CFHR5: variants seen among roughly 807,000 people sequenced by gnomAD.
The protein encoded by CFHR5 is complement factor H-related protein 5.
Under a neutral mutation model 62.9 loss-of-function variants are expected in CFHR5, and 73 were observed. The observed-to-expected ratio is 1.16, with a 90% CI of 0.96 to 1.41. The LOEUF (loss-of-function observed/expected upper bound fraction) is 1.41. Ranked by LOEUF, CFHR5 falls within the 40% of genes most tolerant of loss-of-function variation. CFHR5 has a pLI of 0.00. For synonymous variants in CFHR5, 249 were observed against 227.2 expected (o/e 1.10, Z -0.86); for missense variants, 779 against 679.9 (o/e 1.15, Z -1.62).
At chr1:196,982,559 G>A (rs1653569235) in intron 1 of CFHR5, among the ~76,000 whole-genome samples, 1 of 152,044 alleles carries the variant, frequency 6.6e-6, no homozygotes, top group Non-Finnish European at 1.5e-5. Context: ...TGTAATCTCA[G>A]GTACTCAGGA....
rs1293376544 is a variant in CFHR5, at chr1:196,984,150, C to T, written c.430+13C>T. On this transcript the variant is annotated intron_variant, in intron 3 of 9. Coordinates refer to ENST00000256785, the MANE Select transcript of CFHR5 (RefSeq NM_030787.4). ...TGCAGCTTCACTAGTAAGCAAAATACCACTCTCTCAGTTTTGCTAATTATT... is the reference window on the plus strand; with the variant it reads ...TGCAGCTTCACTAGTAAGCAAAATATCACTCTCTCAGTTTTGCTAATTATT... 1 of 1,605,524 alleles carries T rather than the reference C, an allele frequency of 6.2e-7. No homozygotes were observed. Among genetic ancestry groups the T allele is most frequent in the Non-Finnish European group, 8.5e-7 (1 of 1,172,532 alleles).
rs573395109 is a variant in CFHR5 at position 197,002,754 on chromosome 1, T to TA, written c.1330+92dup. ...AAAGAAAGAAACAAGAACTTATGAC[T>TA]AATCTGTTGCACTGTACCCCAAAGC... On this transcript the variant is annotated intron_variant, in intron 8 of 9. Transcript: ENST00000256785. 585 of 1,080,406 alleles carry TA rather than the reference T, an allele frequency of 5.4e-4. 6 individuals carry two copies. The African/African-American group carries it at 8.4e-3, about 16-fold the overall frequency. The allele number at this position is 1,080,406 out of a possible 1,614,324, so 66.9% of individuals were successfully genotyped here.
chr1:196,975,353 G>C (rs1394158675), upstream of CFHR5, among the ~76,000 whole-genome samples: 1 of 152,178 alleles, frequency 6.6e-6, no homozygotes, highest in Non-Finnish European at 1.5e-5. Flanking sequence ...AACAATTTTT[G>C]AGCTTTTGTT....
In CFHR5 at chr1:197,004,763, G is replaced by A. The variant is rs571204851; in HGVS notation, c.1433G>A (p.Cys478Tyr). Residue 478 changes from cysteine (C) to tyrosine (Y), a missense_variant, in exon 9 of 10, where the codon TGC becomes TAC. By Grantham distance (194) the Cys-to-Tyr change is radical (BLOSUM62 -2). Coordinates refer to ENST00000256785, the MANE Select transcript of CFHR5 (RefSeq NM_030787.4). ...CCAGGGTCAACAGTGACGTACCGTT[G>A]CCAGTCCTTCTATAAACTCCAGGGC... ...YPPGSTVTYR[C>Y]QSFYKLQGSV... is the part of the protein sequence containing the mutation. 6 of 1,613,502 alleles carry A rather than the reference G, an allele frequency of 3.7e-6. No homozygotes were observed. In the African/African-American group the frequency reaches 5.3e-5, roughly 14 times the overall value.
chr1:196,975,227 G>A (rs10801582), upstream of CFHR5, among the ~76,000 whole-genome samples: 34,619 of 152,092 alleles, frequency 0.23, 5,591 homozygotes, highest in East Asian at 0.71. Flanking sequence ...AGGGGTTTAA[G>A]CGTAGTGTTG....
upstream of CFHR5, among the ~76,000 whole-genome samples, chr1:196,976,822 T>TGAGACA: frequency 7.5e-6 from 1 of 132,568 alleles, no homozygotes; most frequent in Non-Finnish European, 1.6e-5. Context: ...TTTTTTTTTT[T>TGAGACA]GAGACAGAGT....
intron 3 of CFHR5, among the ~76,000 whole-genome samples, chr1:196,987,743 C>G (rs1378573307): frequency 2.0e-5 from 3 of 152,104 alleles, no homozygotes; most frequent in African/African-American, 7.2e-5. Context: ...GGTACCAGTA[C>G]CATGCTGTTT....
Position 196,983,041 on chromosome 1 carries a change from G to T in CFHR5, c.215G>T (p.Cys72Phe), listed in dbSNP as rs368326752. Residue 72 changes from cysteine (C) to phenylalanine (F), a missense_variant, in exon 2 of 10, where the codon TGC (cysteine) becomes TTC (phenylalanine). Transcript: ENST00000256785. ...AAATCCTTTTGGACTCGCATAACAT[G>T]CACAGAAGAAGGATGGTCACCAACA... Reference protein sequence around the residue: ...PSKSFWTRITCTEEGWSPTPK... With the variant: ...PSKSFWTRITFTEEGWSPTPK... 6.2e-7 allele frequency: 1 copy of T among 1,614,026 alleles called. No individual in the cohort carries two copies. The highest frequency in any genetic ancestry group is 8.5e-7 in the Non-Finnish European group (1 of 1,180,018).
intron 9 of CFHR5, among the ~76,000 whole-genome samples, chr1:197,007,738 A>C (rs1190221561): frequency 6.8e-6 from 1 of 147,612 alleles, no homozygotes. Flanking sequence ...ATATACATAC[A>C]ATATATGTAT....
chr1:196,979,647 C>T (rs959863157), intron 1 of CFHR5, among the ~76,000 whole-genome samples: 1 of 152,014 alleles, frequency 6.6e-6, no homozygotes, highest in Non-Finnish European at 1.5e-5. Flanking sequence ...GAGTGGTGTG[C>T]AAATATGAAG....
At chr1:196,984,196 TTATAGATTAAA>T (rs1653621874) in intron 3 of CFHR5, 59 bp downstream of exon 3, 2 of 1,367,900 alleles carry the variant, frequency 1.5e-6, no homozygotes, top group Non-Finnish European at 1.0e-6. Context: ...AATCTATAGT[TTATAGATTAAA>T]TATAGGTTAA....
At chr1:197,006,353 A>C (rs181599170) in intron 9 of CFHR5, among the ~76,000 whole-genome samples, 2 of 152,260 alleles carry the variant, frequency 1.3e-5, no homozygotes, top group African/African-American at 4.8e-5. Flanking sequence ...TGATCTAACT[A>C]TGAAATGTAA....
chr1:196,994,734 C>G (rs1653944539), intron 4 of CFHR5, among the ~76,000 whole-genome samples: 1 of 152,236 alleles, frequency 6.6e-6, no homozygotes, highest in South Asian at 2.1e-4. Context: ...TTTCACAATG[C>G]TGATAAACAC....
Position 197,009,301 on chromosome 1 carries a change from CG to C in CFHR5, c.*622del, listed in dbSNP as rs1470227887. 2 of 152,196 alleles carry C rather than the reference CG, an allele frequency of 1.3e-5. No individual in the cohort carries two copies. Among genetic ancestry groups the C allele is most frequent in the Non-Finnish European group, 2.9e-5 (2 of 68,080 alleles). 9.4% of individuals were successfully genotyped at this position (152,196 alleles called of 1,614,324 possible). On this transcript the variant is annotated 3_prime_UTR_variant, in exon 10 of 10. Coordinates refer to ENST00000256785, the MANE Select transcript of CFHR5 (RefSeq NM_030787.4). ...GCAGTTAAGTTTCCACGTAAACTTT[CG>C]GGGACACATTCAAACCACAGGAGAA...
At chr1:197,004,594 T>C in intron 8 of CFHR5, 67 bp from the exon 9 acceptor site, 4 of 1,203,262 alleles carry the variant, frequency 3.3e-6, no homozygotes, top group South Asian at 1.2e-5. Context: ...ATATGATACA[T>C]GATGCTTCAT....
intron 3 of CFHR5, among the ~76,000 whole-genome samples, chr1:196,991,316 C>CT (rs1479939020): frequency 1.3e-5 from 2 of 152,150 alleles, no homozygotes; most frequent in Non-Finnish European, 2.9e-5. Flanking sequence ...AAACATCCTC[C>CT]TTTAGCTTGG....
intron 6 of CFHR5, among the ~76,000 whole-genome samples, chr1:196,997,128 C>G (rs1324992277): frequency 6.6e-6 from 1 of 152,162 alleles, no homozygotes; most frequent in African/African-American, 2.4e-5. Flanking sequence ...CCGCCTCTCT[C>G]TCCATCTCCT....
Position 197,005,574 on chromosome 1 carries a change from T to A in CFHR5, c.1513+731T>A, listed in dbSNP as rs1654264452. On this transcript the variant is annotated intron_variant, in intron 9 of 9. Coordinates refer to ENST00000256785, the MANE Select transcript of CFHR5 (RefSeq NM_030787.4). Reference sequence around the variant, plus strand: ...AACTAAAAGGGACAAAATACAAAGATATGGGGCGAATTAATAACACCAATT... The same window carrying A: ...AACTAAAAGGGACAAAATACAAAGAAATGGGGCGAATTAATAACACCAATT... Among the ~76,000 whole-genome samples, 3 of 152,138 alleles carry A rather than the reference T, an allele frequency of 2.0e-5. No homozygotes were observed. The South Asian group carries it at 6.2e-4, about 31-fold the overall frequency.
chr1:197,007,598 T>C (rs1654321083), intron 9 of CFHR5, among the ~76,000 whole-genome samples: 1 of 150,332 alleles, frequency 6.7e-6, no homozygotes, highest in African/African-American at 2.4e-5. Flanking sequence ...CATGTGTGTA[T>C]ATGTAATATA....
Sources: gnomAD v4.1 joint callset for allele counts (sites outside exome capture counted in the v4.1 genomes callset) on GRCh38, gnomAD v4.1.1 for gene constraint, MANE v1.5 for transcripts, NCBI Gene and HGNC (gene_info 2026-07-23, HGNC 2026-07-21) for gene names.